Variants in TBC1D9 observed in about 807,000 individuals in gnomAD.
TBC1D9 encodes TBC1 domain family member 9.
Under a neutral mutation model 132.0 loss-of-function variants are expected in TBC1D9, and 63 were observed. That is an observed-to-expected ratio of 0.48 (90% CI 0.39 to 0.59). TBC1D9 has a LOEUF of 0.59. Ranked by LOEUF, TBC1D9 falls within the 20% of genes least tolerant of loss-of-function variation. The probability of loss-of-function intolerance (pLI) is 0.00; values close to 1 mark genes in which losing one functional copy is unlikely to be tolerated. For synonymous variants in TBC1D9, 610 were observed against 609.9 expected (o/e 1.00, Z 0.00); for missense variants, 1,261 against 1,592.7 (o/e 0.79, Z 3.54).
chr4:140,711,118 G>A (rs946414073), intron 1 of TBC1D9, among the ~76,000 whole-genome samples: 1 of 152,182 alleles, frequency 6.6e-6, no homozygotes, highest in African/African-American at 2.4e-5. Context: ...AGCCTTGTGT[G>A]ATCTAATTCC....
At chr4:140,741,415 C>G (rs796547834) in intron 1 of TBC1D9, among the ~76,000 whole-genome samples, 11 of 152,262 alleles carry the variant, frequency 7.2e-5, no homozygotes, top group Admixed American at 2.0e-4. Context: ...CTTTTAAGAT[C>G]TGATCAGAGA....
At chr4:140,715,314 G>T (rs1738317824) in intron 1 of TBC1D9, among the ~76,000 whole-genome samples, 1 of 152,184 alleles carries the variant, frequency 6.6e-6, no homozygotes, top group South Asian at 2.1e-4. Context: ...CCCCTTGGCT[G>T]ACAGAAGGGG....
At position 140,706,243 on chromosome 4, in the gene TBC1D9, G is replaced by T. The variant is rs1738150157; in HGVS notation, c.131-4629C>A. 6.6e-6 allele frequency among the ~76,000 whole-genome samples: 1 copy of T among 152,206 alleles called. No homozygotes were observed. Among genetic ancestry groups the T allele is most frequent in the South Asian group, 2.1e-4 (1 of 4,830 alleles). On this transcript the variant is annotated intron_variant, in intron 1 of 20. Transcript: ENST00000442267. This position sits in a 1 kb window ranked among gnomAD's most constrained non-coding sequence, Gnocchi z 4.0. ...AAGTTAAACTGGACAGGATCCTAAAGATCACTTGGCCTCCCCGACTCCATT... is the reference window on the plus strand; with the variant it reads ...AAGTTAAACTGGACAGGATCCTAAATATCACTTGGCCTCCCCGACTCCATT...
intron 1 of TBC1D9, among the ~76,000 whole-genome samples, chr4:140,738,271 C>G (rs1395773404): frequency 2.6e-5 from 4 of 152,136 alleles, no homozygotes; most frequent in African/African-American, 9.7e-5. Context: ...TCCTTTTGTT[C>G]CCAAACAGAT....
At chr4:140,634,907 T>G (rs1736854165) in intron 15 of TBC1D9, among the ~76,000 whole-genome samples, 1 of 152,180 alleles carries the variant, frequency 6.6e-6, no homozygotes, top group South Asian at 2.1e-4. Flanking sequence ...AAGGGCTTCC[T>G]GTTGCTGGCC....
intron 10 of TBC1D9, among the ~76,000 whole-genome samples, chr4:140,660,114 C>T (rs1460842250): frequency 1.3e-5 from 2 of 152,210 alleles, no homozygotes; most frequent in African/African-American, 4.8e-5. Context: ...TTGTAACTTT[C>T]CGTAATGGTT....
At chr4:140,686,009 A>G (rs1025037393) in intron 3 of TBC1D9, among the ~76,000 whole-genome samples, 1 of 152,228 alleles carries the variant, frequency 6.6e-6, no homozygotes, top group African/African-American at 2.4e-5. Context: ...ACATAGAAAT[A>G]ATAAATACTC....
intron 9 of TBC1D9, among the ~76,000 whole-genome samples, chr4:140,664,458 C>G (rs1443537545): frequency 1.3e-5 from 2 of 152,302 alleles, no homozygotes; most frequent in East Asian, 3.9e-4. Context: ...AAAATCCCAT[C>G]TGTCCTTTTT....
At chr4:140,679,869 C>T in intron 3 of TBC1D9, 26 bp from the exon 4 acceptor site, 1 of 1,569,670 alleles carries the variant, frequency 6.4e-7, no homozygotes, top group Admixed American at 1.7e-5. Flanking sequence ...ACACAAAGCA[C>T]ACAACTGGTA....
At chr4:140,677,583 A>G (rs983866373) in intron 5 of TBC1D9, among the ~76,000 whole-genome samples, 1 of 152,176 alleles carries the variant, frequency 6.6e-6, no homozygotes, top group Non-Finnish European at 1.5e-5. Context: ...TTGGGCAACT[A>G]TGGCTTCTGA....
At chr4:140,643,817 C>A in intron 13 of TBC1D9, 1 of 761,350 alleles carries the variant, frequency 1.3e-6, no homozygotes, top group African/African-American at 1.7e-5. Context: ...CACTCAGCGC[C>A]TGGGCCTCCA....
chr4:140,749,652 G>A (rs546051622), intron 1 of TBC1D9, among the ~76,000 whole-genome samples: 124 of 152,146 alleles, frequency 8.2e-4, no homozygotes, highest in Non-Finnish European at 1.3e-3. Context: ...GTGAGACCCC[G>A]TCTCTATTTA....
At chr4:140,648,385 G>GT (rs1243797618) in intron 13 of TBC1D9, among the ~76,000 whole-genome samples, 4,814 of 121,816 alleles carry the variant, frequency 0.04, 149 homozygotes, top group African/African-American at 0.071. Context: ...TTTTGTTGTT[G>GT]TTTTTTTTTT....
At chr4:140,710,233 C>T (rs570776989) in intron 1 of TBC1D9, among the ~76,000 whole-genome samples, 3 of 152,008 alleles carry the variant, frequency 2.0e-5, no homozygotes, top group South Asian at 2.1e-4. Flanking sequence ...ATGTTTATCC[C>T]GAGGGGCACT....
At chr4:140,652,720 C>T (rs1737206092) in intron 13 of TBC1D9, among the ~76,000 whole-genome samples, 2 of 152,246 alleles carry the variant, frequency 1.3e-5, no homozygotes, top group East Asian at 3.8e-4. Context: ...GTCTACAAGG[C>T]ACCCAGCACC....
At chr4:140,652,100 C>G (rs567543863) in intron 13 of TBC1D9, among the ~76,000 whole-genome samples, 4 of 151,974 alleles carry the variant, frequency 2.6e-5, no homozygotes, top group South Asian at 2.1e-4. Flanking sequence ...GATTAGCCAG[C>G]CTTGGTGGTG....
chr4:140,730,110 A>G (rs769571752), intron 1 of TBC1D9, among the ~76,000 whole-genome samples: 11 of 152,206 alleles, frequency 7.2e-5, no homozygotes, highest in Non-Finnish European at 1.5e-4. Context: ...GTGTAACTTC[A>G]TAAAGCTTCA....
chr4:140,632,785 C>A (rs1728646381), intron 16 of TBC1D9, among the ~76,000 whole-genome samples: 1 of 152,158 alleles, frequency 6.6e-6, no homozygotes, highest in Non-Finnish European at 1.5e-5. Flanking sequence ...AAATTAAATG[C>A]ATGTGAATTG....
Position 140,706,799 on chromosome 4 carries a change from T to C in TBC1D9, c.131-5185A>G, listed in dbSNP as rs1309671574. ...TTTTCAATCAATATGTTTGTAAAAT[T>C]TATCCAGAATATACTTGTAAATCTG... is the stretch of plus-strand genomic sequence containing the variant. On this transcript the variant is annotated intron_variant, in intron 1 of 20. Coordinates refer to ENST00000442267, the MANE Select transcript of TBC1D9 (RefSeq NM_015130.3). The surrounding 1 kb of genome is among the most constrained non-coding windows in gnomAD (Gnocchi z 4.0). Among the ~76,000 whole-genome samples, 2 of 152,206 alleles carry C rather than the reference T, an allele frequency of 1.3e-5. No individual in the cohort carries two copies. Among genetic ancestry groups the C allele is most frequent in the Admixed American group, 1.3e-4 (2 of 15,280 alleles).
Sources: allele counts gnomAD v4.1 joint callset (sites outside exome capture counted in the v4.1 genomes callset), GRCh38; gene constraint gnomAD v4.1.1; non-coding constraint Gnocchi (gnomAD v3.1); transcripts MANE v1.5; gene names NCBI Gene and HGNC (gene_info 2026-07-23, HGNC 2026-07-21).